The following FBN3 variants were observed in gnomAD, a reference collection of about 807,000 sequenced individuals.
FBN3 encodes fibrillin-3.
Under a neutral mutation model 330.1 loss-of-function variants are expected in FBN3, and 234 were observed. That is an observed-to-expected ratio of 0.71 (90% CI 0.64 to 0.79). The LOEUF (loss-of-function observed/expected upper bound fraction) is 0.79, where lower values mean the gene tolerates loss of function less well. FBN3 is among the 30% of genes least tolerant of loss of function. FBN3 has a pLI of 0.00. For missense variants in FBN3, 3,606 were observed against 3,886.9 expected, an observed-to-expected ratio of 0.93 and a Z score of 1.92; for synonymous variants, 1,458 against 1,517.3, an observed-to-expected ratio of 0.96 and a Z score of 0.91.
intron 26 of FBN3, among the ~76,000 whole-genome samples, chr19:8,118,463 C>G (rs1313738737): frequency 6.6e-6 from 1 of 152,112 alleles, no homozygotes; most frequent in African/African-American, 2.4e-5. Context: ...CTGTCTCAAA[C>G]AAAACAAAAT....
rs1199274526 is a variant in FBN3, at chr19:8,099,298, T to C, written c.5161+1603A>G. Among the ~76,000 whole-genome samples the C allele has an allele frequency of 2.0e-5, 3 of 147,384 alleles. No individual in the cohort carries two copies. In the South Asian group the frequency reaches 6.5e-4, roughly 32 times the overall value. ...TTGATTTTTTTTTTTTTTTTTTTTT[T>C]GCAACGGAGTCTTGCTCTGTCGCCC... On this transcript the variant is annotated intron_variant, in intron 41 of 63. Transcript: ENST00000600128.
chr19:8,094,705 G>T, intron 46 of FBN3, 140 bp from the exon 47 acceptor site: 1 of 913,208 alleles, frequency 1.1e-6, no homozygotes, highest in Non-Finnish European at 1.6e-6. Flanking sequence ...CTGGCTCCAG[G>T]GCAAGGGCTG....
rs1272757914 is a variant in FBN3, at chr19:8,136,323, A to G, written c.1346-14T>C. On this transcript the variant is annotated splice_polypyrimidine_tract_variant and intron_variant, in intron 11 of 63. Transcript: ENST00000600128. The stretch of plus-strand genomic sequence containing the variant: ...ATTCGTCTACATCTGAGGGGAGAGG[A>G]CCCTGAGCCCTAGCACGAGCAGGGC... The G allele has an allele frequency of 6.2e-7, 1 of 1,602,152 alleles. No individual in the cohort carries two copies. The highest frequency in any genetic ancestry group is 8.5e-7 in the Non-Finnish European group (1 of 1,173,754).
intron 6 of FBN3, 43 bp from the exon 7 acceptor site, chr19:8,142,180 CT>C (rs1855358474): frequency 6.6e-7 from 1 of 1,518,454 alleles, no homozygotes; most frequent in African/African-American, 1.4e-5. Flanking sequence ...AGGGCTGCCC[CT>C]GTCTGGAGAT....
rs1312857507 is a variant in FBN3, at chr19:8,149,220, G to A, written c.-18+229C>T. Reference sequence around the variant, plus strand: ...GGCTCCGCCCTCACCTGTGGGGTCAGGGGCCCCGCGCCCCGGCCGAGCCCC... The same window carrying A: ...GGCTCCGCCCTCACCTGTGGGGTCAAGGGCCCCGCGCCCCGGCCGAGCCCC... On this transcript the variant is annotated intron_variant, in intron 1 of 63. Coordinates refer to ENST00000600128, the MANE Select transcript of FBN3 (RefSeq NM_032447.5). This position sits in a 1 kb window ranked among gnomAD's most constrained non-coding sequence, Gnocchi z 5.5. Among the ~76,000 whole-genome samples, 1 of 151,846 alleles carries A rather than the reference G, an allele frequency of 6.6e-6. No individual in the cohort carries two copies. The highest frequency in any genetic ancestry group is 1.5e-5 in the Non-Finnish European group (1 of 67,888).
At chr19:8,073,896 G>A (rs1326438446) in intron 61 of FBN3, among the ~76,000 whole-genome samples, 1 of 152,088 alleles carries the variant, frequency 6.6e-6, no homozygotes, top group Non-Finnish European at 1.5e-5. Flanking sequence ...TGCCTAGGCT[G>A]GTCTTGAACT....
chr19:8,111,557 C>T lies in FBN3; in HGVS notation c.4084+91G>A, dbSNP rs181712174. 3.1e-3 allele frequency: 4,226 copies of T among 1,372,850 alleles called. 253 individuals are homozygous for T. The Admixed American group carries it at 0.092, about 30-fold the overall frequency. The allele number at this position is 1,372,850 out of a possible 1,614,324, so 85.0% of individuals were successfully genotyped here. On this transcript the variant is annotated intron_variant, in intron 32 of 63. Transcript: ENST00000600128. ...GAGCGGCGATTGAGTCAGAAGGAGT[C>T]AGGAGGTCGAGTGACCATGGCAGCC...
Position 8,123,532 on chromosome 19 carries a change from G to A in FBN3, c.3014C>T (p.Thr1005Met), listed in dbSNP as rs745432974. ...ACAGGCGCAGTGGAAGCTGCCCACC[G>A]TGTTTCTGCAGGTACCGTGCGTGCA... ...GLCTHGTCRN[T>M]VGSFHCACAG... The change falls in exon 24 of 64, where the codon ACG becomes ATG. Residue 1005 changes from threonine to methionine, a missense_variant. Transcript: ENST00000600128. 36 of 1,614,048 alleles carry A rather than the reference G, an allele frequency of 2.2e-5. No individual in the cohort carries two copies. The Admixed American group carries it at 3.3e-4, about 15-fold the overall frequency.
intron 30 of FBN3, among the ~76,000 whole-genome samples, chr19:8,112,649 C>CA (rs2082617179): frequency 6.6e-6 from 1 of 151,780 alleles, no homozygotes; most frequent in Non-Finnish European, 1.5e-5. Context: ...GACTCCGTCT[C>CA]AAAAAAATAA....
intron 56 of FBN3, 145 bp downstream of exon 56, chr19:8,085,218 A>AGGAC (rs1376833984): frequency 5.1e-6 from 2 of 391,800 alleles, no homozygotes; most frequent in Non-Finnish European, 8.1e-6. Context: ...TGCTAGCACA[A>AGGAC]AGACACACAC....
At chr19:8,114,983 C>T (rs1231422654) in intron 30 of FBN3, among the ~76,000 whole-genome samples, 5 of 152,196 alleles carry the variant, frequency 3.3e-5, no homozygotes, top group African/African-American at 4.8e-5. Context: ...ATTCTCCTGC[C>T]CCAGCCTCCC....
chr19:8,081,522 A>T, intron 57 of FBN3, 42 bp from the exon 58 acceptor site: 1 of 1,555,588 alleles, frequency 6.4e-7, no homozygotes, highest in Non-Finnish European at 8.7e-7. Context: ...GGTTAGACAG[A>T]CATTCCCTGG....
At chr19:8,135,899 G>GTA in intron 13 of FBN3, 62 bp downstream of exon 13, 2 of 1,429,460 alleles carry the variant, frequency 1.4e-6, no homozygotes, top group Non-Finnish European at 1.9e-6. Flanking sequence ...GATTTGAGGT[G>GTA]GCTGTAAAAG....
chr19:8,102,465 G>A (rs967829247), intron 40 of FBN3, among the ~76,000 whole-genome samples: 43 of 151,938 alleles, frequency 2.8e-4, no homozygotes, highest in African/African-American at 1.0e-3. Context: ...TGATCCACCC[G>A]CCTCGGCCTC....
At chr19:8,100,695 G>C (rs1331034490) in intron 41 of FBN3, among the ~76,000 whole-genome samples, 1 of 152,140 alleles carries the variant, frequency 6.6e-6, no homozygotes, top group Non-Finnish European at 1.5e-5. Context: ...ATGGATAATG[G>C]TTTAATAAAA....
chr19:8,140,274 G>A lies in FBN3; in HGVS notation c.865+1443C>T, dbSNP rs570403639. Among the ~76,000 whole-genome samples, 4 of 152,242 alleles carry A rather than the reference G, an allele frequency of 2.6e-5. No individual in the cohort carries two copies. In the East Asian group the frequency reaches 7.7e-4, roughly 29 times the overall value. On this transcript the variant is annotated intron_variant, in intron 8 of 63. Coordinates refer to ENST00000600128, the MANE Select transcript of FBN3 (RefSeq NM_032447.5). ...AGGTCAAGAGTTTGAGACCAGCCTG[G>A]CCAACACAGTGAAACCCCGTCTCTA...
rs2082984237 is a variant in FBN3 at position 8,126,384 on chromosome 19, T to C, written c.2555-37A>G. The C allele has an allele frequency of 1.3e-6, 2 of 1,584,448 alleles. No homozygotes were observed. Among genetic ancestry groups the C allele is most frequent in the Non-Finnish European group, 1.7e-6 (2 of 1,165,774 alleles). On this transcript the variant is annotated intron_variant, in intron 20 of 63. Transcript: ENST00000600128. ...AGAACAAGAGTGAAGAGAGGAGTCATTTTCTCATGCCAGCCCAAGGGGGGA... is the reference window on the plus strand; with the variant it reads ...AGAACAAGAGTGAAGAGAGGAGTCACTTTCTCATGCCAGCCCAAGGGGGGA...
rs371870514 is a variant in FBN3 at position 8,136,562 on chromosome 19, C to T, written c.1202-31G>A. ...GGTGGGGCCGGCAGAGGCATCTGAG[C>T]AGTGGCTGGCCCCGCCCCAGTCTGG... On this transcript the variant is annotated intron_variant, in intron 10 of 63. Coordinates refer to ENST00000600128, the MANE Select transcript of FBN3 (RefSeq NM_032447.5). 96 of 1,611,444 alleles carry T rather than the reference C, an allele frequency of 6.0e-5. 3 individuals carry two copies. The East Asian group carries it at 7.8e-4, about 13-fold the overall frequency.
rs1323753068 is a variant in FBN3, at chr19:8,091,995, C to T, written c.5906-405G>A. ...AGGAGATTGAGACTATCCTGGCTAA[C>T]ATGGTGAAACCATCTACTAACAATA... On this transcript the variant is annotated intron_variant, in intron 47 of 63. Transcript: ENST00000600128. 2.6e-5 allele frequency among the ~76,000 whole-genome samples: 4 copies of T among 151,862 alleles called. No individual in the cohort carries two copies. The East Asian group carries it at 7.8e-4, about 29-fold the overall frequency.
Sources: gnomAD v4.1 joint callset for allele counts (sites outside exome capture counted in the v4.1 genomes callset) on GRCh38, gnomAD v4.1.1 for gene constraint, Gnocchi (gnomAD v3.1) non-coding constraint, MANE v1.5 for transcripts, NCBI Gene and HGNC (gene_info 2026-07-23, HGNC 2026-07-21) for gene names.